PTPRD: variants seen among roughly 807,000 people sequenced by gnomAD.
PTPRD encodes protein tyrosine phosphatase receptor type D, also known as receptor-type tyrosine-protein phosphatase delta.
PTPRD carries 34 observed loss-of-function variants against 214.5 expected under a neutral mutation model. That is an observed-to-expected ratio of 0.16 (90% CI 0.12 to 0.21). The LOEUF (loss-of-function observed/expected upper bound fraction) is 0.21, where lower values mean the gene tolerates loss of function less well. Among genes scored for constraint, PTPRD ranks in the 10% least tolerant of loss-of-function variants. The pLI is 1.00. For missense variants in PTPRD, 2,545 were observed against 2,398.7 expected (o/e 1.06, Z -1.27); for synonymous variants, 1,128 against 845.7 (o/e 1.33, Z -5.79).
intron 2 of PTPRD, among the ~76,000 whole-genome samples, chr9:10,391,636 C>A (rs377462139): frequency 1.3e-5 from 2 of 151,766 alleles, no homozygotes; most frequent in East Asian, 3.9e-4. Context: ...CTTGCTCCAA[C>A]CTTCATCCAA....
At chr9:10,387,449 C>T (rs2097939785) in intron 2 of PTPRD, among the ~76,000 whole-genome samples, 2 of 151,976 alleles carry the variant, frequency 1.3e-5, no homozygotes, top group Admixed American at 6.6e-5. Flanking sequence ...TAGGTCTCCT[C>T]ATCCTCATTA....
intron 9 of PTPRD, among the ~76,000 whole-genome samples, chr9:9,200,557 A>G (rs562556847): frequency 3.0e-4 from 46 of 152,330 alleles, no homozygotes; most frequent in African/African-American, 1.1e-3. Flanking sequence ...CCCAACACTC[A>G]GAGAATAAAG....
intron 10 of PTPRD, among the ~76,000 whole-genome samples, chr9:9,133,158 C>T (rs2099845427): frequency 6.6e-6 from 1 of 152,050 alleles, no homozygotes; most frequent in South Asian, 2.1e-4. Context: ...CAAATGAATG[C>T]ATGTTAAGTA....
intron 7 of PTPRD, among the ~76,000 whole-genome samples, chr9:9,711,414 T>A (rs570187659): frequency 3.3e-4 from 50 of 152,182 alleles, no homozygotes; most frequent in Non-Finnish European, 6.2e-4. Flanking sequence ...TGTTCCTATT[T>A]ACTTTGTATC....
intron 2 of PTPRD, among the ~76,000 whole-genome samples, chr9:10,480,237 A>C (rs1375148654): frequency 2.0e-5 from 3 of 152,194 alleles, no homozygotes; most frequent in Non-Finnish European, 4.4e-5. Flanking sequence ...AATTTTCAAC[A>C]GAGAAGCACA....
chr9:9,230,681 G>C (rs2099962546), intron 9 of PTPRD, among the ~76,000 whole-genome samples: 1 of 151,988 alleles, frequency 6.6e-6, no homozygotes, highest in Non-Finnish European at 1.5e-5. Flanking sequence ...AGAATTGCTT[G>C]GTACGGAAAA....
intron 14 of PTPRD, among the ~76,000 whole-genome samples, chr9:8,607,655 A>T (rs955139215): frequency 9.2e-5 from 14 of 152,110 alleles, no homozygotes; most frequent in Non-Finnish European, 1.3e-4. Context: ...AAAAAAAATT[A>T]AAAAATAAAT....
At chr9:10,057,626 C>T (rs765801254) in intron 3 of PTPRD, among the ~76,000 whole-genome samples, 20 of 151,950 alleles carry the variant, frequency 1.3e-4, no homozygotes, top group African/African-American at 4.6e-4. Flanking sequence ...GGGTGGATCA[C>T]GAGGTCAGGA....
chr9:8,440,407 C>T (rs1380935582), intron 34 of PTPRD, among the ~76,000 whole-genome samples: 1 of 152,032 alleles, frequency 6.6e-6, no homozygotes, highest in Non-Finnish European at 1.5e-5. Context: ...GCTCTACCTC[C>T]CGGGTTCAAG....
At chr9:8,890,575 G>A (rs2098530513) in intron 11 of PTPRD, among the ~76,000 whole-genome samples, 1 of 152,188 alleles carries the variant, frequency 6.6e-6, no homozygotes, top group Non-Finnish European at 1.5e-5. Context: ...CTGGACCTTT[G>A]CATGGAAAGA....
At chr9:9,105,668 T>A (rs193011434) in intron 10 of PTPRD, among the ~76,000 whole-genome samples, 147 of 152,288 alleles carry the variant, frequency 9.7e-4, no homozygotes, top group Admixed American at 2.7e-3. Flanking sequence ...AAAACACTTG[T>A]ATAATGATCT....
chr9:9,767,207 G>C (rs2098714235), intron 5 of PTPRD, among the ~76,000 whole-genome samples: 1 of 151,790 alleles, frequency 6.6e-6, no homozygotes, highest in African/African-American at 2.4e-5. Flanking sequence ...AATGCTACAT[G>C]AATTATTAGA....
At chr9:8,460,007 A>G (rs2096346468) in intron 33 of PTPRD, among the ~76,000 whole-genome samples, 1 of 152,164 alleles carries the variant, frequency 6.6e-6, no homozygotes. Context: ...ATATGTATAC[A>G]AATTGCAAAA....
intron 3 of PTPRD, among the ~76,000 whole-genome samples, chr9:10,233,685 T>C (rs2099619744): frequency 6.6e-6 from 1 of 151,958 alleles, no homozygotes; most frequent in South Asian, 2.1e-4. Flanking sequence ...CTGTCAAAAA[T>C]GTGAAGGAAC....
intron 2 of PTPRD, among the ~76,000 whole-genome samples, chr9:10,393,125 C>T (rs2098102963): frequency 6.6e-6 from 1 of 151,810 alleles, no homozygotes; most frequent in East Asian, 2.0e-4. Context: ...CATGCATAGT[C>T]ACTAAAAATT....
intron 11 of PTPRD, among the ~76,000 whole-genome samples, chr9:8,993,612 T>A (rs916652235): frequency 6.6e-6 from 1 of 152,136 alleles, no homozygotes; most frequent in Non-Finnish European, 1.5e-5. Context: ...GAAAATCAAC[T>A]AAGATGATTA....
chr9:10,174,714 T>C (rs1051156867), intron 3 of PTPRD, among the ~76,000 whole-genome samples: 1 of 151,976 alleles, frequency 6.6e-6, no homozygotes, highest in African/African-American at 2.4e-5. Flanking sequence ...TATACATATA[T>C]ATGTACAGAT....
chr9:9,000,713 CA>C (rs1204749523), intron 11 of PTPRD, among the ~76,000 whole-genome samples: 1 of 151,952 alleles, frequency 6.6e-6, no homozygotes, highest in Non-Finnish European at 1.5e-5. Context: ...TGCTAAAAAA[CA>C]GGCAGCTCTC....
chr9:8,934,393 ATGTGTGTGTGTGTG>A (rs756848411), intron 11 of PTPRD, among the ~76,000 whole-genome samples: 17 of 48,208 alleles, frequency 3.5e-4, no homozygotes, highest in African/African-American at 1.1e-3. Context: ...AATACTAATT[ATGTGTGTGTGTGTG>A]TGTGTGTGTG....
Sources: allele counts gnomAD v4.1 joint callset (sites outside exome capture counted in the v4.1 genomes callset), GRCh38; gene constraint gnomAD v4.1.1; transcripts MANE v1.5; gene names NCBI Gene and HGNC (gene_info 2026-07-23, HGNC 2026-07-21).